Variants in CTNNA3 observed in about 807,000 individuals in gnomAD.
CTNNA3 encodes catenin alpha-3.
Under a neutral mutation model 95.7 loss-of-function variants are expected in CTNNA3, and 76 were observed. The observed-to-expected ratio is 0.79, with a 90% CI of 0.66 to 0.96. CTNNA3 has a LOEUF of 0.96. Among genes scored for constraint, CTNNA3 ranks in the 40% least tolerant of loss-of-function variants. The pLI is 0.00. For synonymous variants in CTNNA3, 431 were observed against 374.4 expected, an observed-to-expected ratio of 1.15 and a Z score of -1.74; for missense variants, 1,191 against 1,089.8, an observed-to-expected ratio of 1.09 and a Z score of -1.31.
chr10:67,655,128 G>T (rs1270426563), intron 1 of CTNNA3, among the ~76,000 whole-genome samples: 2 of 152,044 alleles, frequency 1.3e-5, no homozygotes, highest in Non-Finnish European at 2.9e-5. Context: ...CCTGATTATT[G>T]TCATAACACT....
chr10:67,284,037 C>T (rs979147312), intron 5 of CTNNA3, among the ~76,000 whole-genome samples: 2 of 152,186 alleles, frequency 1.3e-5, no homozygotes, highest in Non-Finnish European at 2.9e-5. Context: ...AGCAAACCTT[C>T]AGAGGGCTGG....
Position 66,257,482 on chromosome 10 carries a change from C to G in CTNNA3, c.1884+22988G>C, listed in dbSNP as rs563705360. Reference sequence around the variant, plus strand: ...CACAAAATTACATGCTAATTTACAACGAAGCCCTCACCTTCCAGCTGTATT... The same window carrying G: ...CACAAAATTACATGCTAATTTACAAGGAAGCCCTCACCTTCCAGCTGTATT... On this transcript the variant is annotated intron_variant, in intron 13 of 17. Coordinates refer to ENST00000433211, the MANE Select transcript of CTNNA3 (RefSeq NM_013266.4). Among the ~76,000 whole-genome samples the G allele has an allele frequency of 1.2e-4, 18 of 152,306 alleles. No individual in the cohort carries two copies. In the South Asian group the frequency reaches 3.5e-3, roughly 30 times the overall value.
chr10:66,298,369 T>A (rs907001834), intron 12 of CTNNA3, among the ~76,000 whole-genome samples: 3 of 152,066 alleles, frequency 2.0e-5, no homozygotes, highest in Admixed American at 6.6e-5. Flanking sequence ...AAGAAAATAA[T>A]GAAATAATCA....
intron 7 of CTNNA3, among the ~76,000 whole-genome samples, chr10:66,799,493 A>G (rs2132229090): frequency 6.6e-6 from 1 of 151,734 alleles, no homozygotes; most frequent in Middle Eastern, 3.4e-3. Context: ...CAGAACTAAC[A>G]GTACTGGACA....
rs569746621 is a variant in CTNNA3, at chr10:67,742,952, G to A, written c.-2+20482C>T. 2.4e-4 allele frequency among the ~76,000 whole-genome samples: 36 copies of A among 151,320 alleles called. 1 individual carries two copies. The highest frequency in any genetic ancestry group is 8.7e-4 in the African/African-American group (36 of 41,406). ...ATATATCCTCCCAAGACTAAACCAGGAAGAAGTTGAATCTCTGAACAGACC... is the reference window on the plus strand; with the variant it reads ...ATATATCCTCCCAAGACTAAACCAGAAAGAAGTTGAATCTCTGAACAGACC... On this transcript the variant is annotated intron_variant, in intron 1 of 17. Transcript: ENST00000684154.
At chr10:66,373,500 A>G (rs2092769377) in intron 12 of CTNNA3, among the ~76,000 whole-genome samples, 1 of 152,026 alleles carries the variant, frequency 6.6e-6, no homozygotes, top group Non-Finnish European at 1.5e-5. Flanking sequence ...GTTGTAATTT[A>G]ATTTCCAACT....
At chr10:65,931,373 A>T (rs553415118) in intron 17 of CTNNA3, among the ~76,000 whole-genome samples, 1 of 152,340 alleles carries the variant, frequency 6.6e-6, no homozygotes, top group East Asian at 1.9e-4. Flanking sequence ...GTACTATGTC[A>T]GTTGTTTAAA....
chr10:67,226,657 T>C (rs984490874), intron 5 of CTNNA3, among the ~76,000 whole-genome samples: 46 of 152,202 alleles, frequency 3.0e-4, no homozygotes, highest in African/African-American at 1.1e-3. Flanking sequence ...TACAGTCTTT[T>C]TCAGACAAAC....
chr10:67,091,469 A>C (rs1367521054), intron 7 of CTNNA3, among the ~76,000 whole-genome samples: 1 of 152,010 alleles, frequency 6.6e-6, no homozygotes, highest in Admixed American at 6.6e-5. Context: ...ACAAAGAATA[A>C]TGCTTCAGAC....
chr10:67,336,200 T>A lies in CTNNA3; in HGVS notation c.580-116330A>T, dbSNP rs548726654. 3.3e-3 allele frequency among the ~76,000 whole-genome samples: 495 copies of A among 152,300 alleles called. 3 individuals carry two copies. The highest frequency in any genetic ancestry group is 5.8e-3 in the Non-Finnish European group (395 of 68,018). On this transcript the variant is annotated intron_variant, in intron 5 of 17. Coordinates refer to ENST00000433211, the MANE Select transcript of CTNNA3 (RefSeq NM_013266.4). ...CTCTCCTTCTCCTAGGGCTTTTTTA[T>A]TCCTTGAGATACAATGTTGAAATTA...
chr10:67,169,208 C>T (rs910456478), intron 7 of CTNNA3, among the ~76,000 whole-genome samples: 1 of 152,180 alleles, frequency 6.6e-6, no homozygotes, highest in Non-Finnish European at 1.5e-5. Context: ...AATGGCCATA[C>T]TGCCCAAAGC....
chr10:66,640,609 A>T (rs115837174), intron 9 of CTNNA3, among the ~76,000 whole-genome samples: 1 of 152,150 alleles, frequency 6.6e-6, no homozygotes, highest in South Asian at 2.1e-4. Context: ...ATCAAAGTAT[A>T]CTTACGGGGA....
chr10:67,483,071 C>T (rs1006498039), intron 5 of CTNNA3, among the ~76,000 whole-genome samples: 3 of 151,966 alleles, frequency 2.0e-5, no homozygotes, highest in African/African-American at 7.3e-5. Flanking sequence ...AATGAGATAC[C>T]ATCTCACACC....
intron 7 of CTNNA3, among the ~76,000 whole-genome samples, chr10:67,045,288 C>G (rs1460118515): frequency 6.6e-6 from 1 of 152,150 alleles, no homozygotes; most frequent in Non-Finnish European, 1.5e-5. Flanking sequence ...AAGAAACCAT[C>G]TTTGTTCCCA....
intron 1 of CTNNA3, among the ~76,000 whole-genome samples, chr10:67,678,828 T>C (rs1180525821): frequency 6.6e-6 from 1 of 152,142 alleles, no homozygotes; most frequent in Non-Finnish European, 1.5e-5. Context: ...CACTGTAGTA[T>C]CAGTCTATTA....
chr10:67,648,930 C>T (rs1839799250), intron 1 of CTNNA3: 1 of 319,352 alleles, frequency 3.1e-6, no homozygotes, highest in Non-Finnish European at 4.5e-6. Flanking sequence ...TTTGATTTTG[C>T]TTTTTCAATC....
At chr10:66,358,173 C>G (rs960557309) in intron 12 of CTNNA3, among the ~76,000 whole-genome samples, 1 of 152,144 alleles carries the variant, frequency 6.6e-6, no homozygotes, top group South Asian at 2.1e-4. Flanking sequence ...ACCACTACCT[C>G]CAAAGTGGAC....
rs546292507 is a variant in CTNNA3 at position 66,648,513 on chromosome 10, G to A, written c.1282-26729C>T. Among the ~76,000 whole-genome samples, 20 of 152,198 alleles carry A rather than the reference G, an allele frequency of 1.3e-4. No homozygotes were observed. The South Asian group carries it at 2.5e-3, about 19-fold the overall frequency. ...ATCTCTAAAAAAGAGTCGAATATGCGAATCCTACCTAAAGACCGGGGACAA... is the reference window on the plus strand; with the variant it reads ...ATCTCTAAAAAAGAGTCGAATATGCAAATCCTACCTAAAGACCGGGGACAA... On this transcript the variant is annotated intron_variant, in intron 9 of 17. Coordinates refer to ENST00000433211, the MANE Select transcript of CTNNA3 (RefSeq NM_013266.4).
intron 10 of CTNNA3, among the ~76,000 whole-genome samples, chr10:66,549,438 G>T (rs74143405): frequency 2.9e-4 from 44 of 152,146 alleles, no homozygotes; most frequent in African/African-American, 1.0e-3. Context: ...TGTCAGTTTT[G>T]TTGGTCTCTT....
Sources: gnomAD v4.1 joint callset for allele counts (sites outside exome capture counted in the v4.1 genomes callset) on GRCh38, gnomAD v4.1.1 for gene constraint, MANE v1.5 for transcripts, NCBI Gene and HGNC (gene_info 2026-07-23, HGNC 2026-07-21) for gene names.